LAMA2: variants seen among roughly 807,000 people sequenced by gnomAD.
The protein encoded by LAMA2 is laminin subunit alpha 2, also known as laminin subunit alpha-2.
In LAMA2, 269 loss-of-function variants were observed where a neutral mutation model predicts 364.8. That is an observed-to-expected ratio of 0.74 (90% confidence interval 0.67 to 0.82). LAMA2 has a LOEUF of 0.82. LAMA2 is among the 40% of genes least tolerant of loss of function. The pLI, the probability that LAMA2 is intolerant of heterozygous loss-of-function variation, is 0.00. For missense variants in LAMA2, 3,807 were observed against 3,873.2 expected, an observed-to-expected ratio of 0.98 and a Z score of 0.45; for synonymous variants, 1,379 against 1,370.6, an observed-to-expected ratio of 1.01 and a Z score of -0.14.
Position 129,342,297 on chromosome 6 carries a change from C to A in LAMA2, c.4312-46C>A. On this transcript the variant is annotated intron_variant, in intron 29 of 64. Coordinates refer to ENST00000421865, the MANE Select transcript of LAMA2 (RefSeq NM_000426.4). ...GACTGTATGATAAATTACATTCTAACTATCACTAAATTAAAAACAAACTTC... is the reference window on the plus strand; with the variant it reads ...GACTGTATGATAAATTACATTCTAAATATCACTAAATTAAAAACAAACTTC... 1.9e-6 allele frequency: 3 copies of A among 1,564,814 alleles called. No individual in the cohort carries two copies. The Admixed American group carries it at 5.0e-5, about 26-fold the overall frequency.
chr6:129,513,625 C>T (rs1562643126), intron 63 of LAMA2, among the ~76,000 whole-genome samples: 1 of 152,110 alleles, frequency 6.6e-6, no homozygotes, highest in Non-Finnish European at 1.5e-5. Flanking sequence ...AATGTCTTGC[C>T]AAACTGACTA....
At chr6:128,935,332 T>C (rs1242543066) in intron 1 of LAMA2, among the ~76,000 whole-genome samples, 1 of 151,980 alleles carries the variant, frequency 6.6e-6, no homozygotes, top group Non-Finnish European at 1.5e-5. Flanking sequence ...TTTCTGTCCT[T>C]GTGATATTTT....
At chr6:129,034,380 C>G (rs1193991798) in intron 1 of LAMA2, among the ~76,000 whole-genome samples, 2 of 152,088 alleles carry the variant, frequency 1.3e-5, no homozygotes, top group African/African-American at 4.8e-5. Context: ...GTCACTGTTA[C>G]AGAGGTGCAC....
At chr6:129,159,501 C>T (rs984924423) in intron 8 of LAMA2, among the ~76,000 whole-genome samples, 2 of 152,182 alleles carry the variant, frequency 1.3e-5, no homozygotes, top group African/African-American at 2.4e-5. Flanking sequence ...CTCATCGATT[C>T]GGGAGCACCC....
intron 9 of LAMA2, among the ~76,000 whole-genome samples, chr6:129,174,171 A>T (rs989073330): frequency 2.0e-5 from 3 of 152,130 alleles, no homozygotes; most frequent in South Asian, 4.1e-4. Flanking sequence ...TAGAACTCTC[A>T]TCTATCCCAA....
intron 29 of LAMA2, among the ~76,000 whole-genome samples, chr6:129,329,456 G>T (rs1775495633): frequency 6.6e-6 from 1 of 152,094 alleles, no homozygotes; most frequent in East Asian, 1.9e-4. Context: ...CCGACTCCCG[G>T]GTTCAAGTGA....
intron 12 of LAMA2, among the ~76,000 whole-genome samples, chr6:129,202,573 A>G (rs1325027952): frequency 1.3e-5 from 2 of 152,160 alleles, no homozygotes; most frequent in African/African-American, 2.4e-5. Flanking sequence ...CAGCACTGTG[A>G]GCAGTATATT....
intron 4 of LAMA2, among the ~76,000 whole-genome samples, chr6:129,119,200 G>A (rs1394763735): frequency 6.6e-6 from 1 of 152,122 alleles, no homozygotes; most frequent in Admixed American, 6.6e-5. Flanking sequence ...AACACAAGTG[G>A]AATTATCCTC....
rs1163860724 is a variant in LAMA2, at chr6:129,269,634, G to A, written c.2323-990G>A. ...TGATTCAATTTTTTAAAACCCTTAA[G>A]TATTTGAAGACATAATTTTAGTTGT... On this transcript the variant is annotated intron_variant, in intron 16 of 64. Coordinates refer to ENST00000421865, the MANE Select transcript of LAMA2 (RefSeq NM_000426.4). Among the ~76,000 whole-genome samples, 8 of 152,086 alleles carry A rather than the reference G, an allele frequency of 5.3e-5. No individual in the cohort carries two copies. The South Asian group carries it at 1.2e-3, about 24-fold the overall frequency.
chr6:129,457,978 G>A (rs1166437028), intron 48 of LAMA2, among the ~76,000 whole-genome samples: 1 of 152,100 alleles, frequency 6.6e-6, no homozygotes, highest in Non-Finnish European at 1.5e-5. Context: ...TGCCCTGCCT[G>A]CTAATACCAT....
chr6:129,012,640 A>C (rs892424297), intron 1 of LAMA2, among the ~76,000 whole-genome samples: 2 of 152,226 alleles, frequency 1.3e-5, no homozygotes, highest in Non-Finnish European at 2.9e-5. Flanking sequence ...AAGGACAAGA[A>C]TATTCTGTAT....
At chr6:129,037,666 A>AT (rs375410908) in intron 1 of LAMA2, among the ~76,000 whole-genome samples, 7,090 of 140,758 alleles carry the variant, frequency 0.05, 529 homozygotes, top group African/African-American at 0.16. Flanking sequence ...ATTTAATTTA[A>AT]TTTTTTTTTT....
Position 129,353,364 on chromosome 6 carries a change from A to C in LAMA2, c.4717+7A>C. ...GAGGGCTGGGAGTGTGTTTGTACGTATACTAACTTTGCTGTTAGTTTTGGA... is the reference window on the plus strand; with the variant it reads ...GAGGGCTGGGAGTGTGTTTGTACGTCTACTAACTTTGCTGTTAGTTTTGGA... On this transcript the variant is annotated splice_region_variant and intron_variant, in intron 32 of 64. Transcript: ENST00000421865. The C allele has an allele frequency of 6.2e-7, 1 of 1,611,666 alleles. No individual in the cohort carries two copies. The highest frequency in any genetic ancestry group is 8.5e-7 in the Non-Finnish European group (1 of 1,178,442).
intron 1 of LAMA2, among the ~76,000 whole-genome samples, chr6:129,014,792 A>G (rs770177664): frequency 2.0e-5 from 3 of 152,176 alleles, no homozygotes; most frequent in Non-Finnish European, 2.9e-5. Flanking sequence ...CATGGTGGAA[A>G]TAGTGAACCT....
intron 4 of LAMA2, among the ~76,000 whole-genome samples, chr6:129,100,498 G>A (rs1167181905): frequency 6.6e-6 from 1 of 152,138 alleles, no homozygotes; most frequent in Non-Finnish European, 1.5e-5. Flanking sequence ...TTACTTTGTG[G>A]AATATGTTAC....
intron 1 of LAMA2, among the ~76,000 whole-genome samples, chr6:128,921,028 T>C (rs1285632601): frequency 6.6e-6 from 1 of 152,328 alleles, no homozygotes; most frequent in African/African-American, 2.4e-5. Flanking sequence ...CTTGCACTTA[T>C]CTTAGCAGGG....
At chr6:129,097,398 C>T (rs1775251103) in intron 3 of LAMA2, among the ~76,000 whole-genome samples, 1 of 152,168 alleles carries the variant, frequency 6.6e-6, no homozygotes, top group South Asian at 2.1e-4. Flanking sequence ...TTTTTTACGT[C>T]TTCAAATTCT....
chr6:129,382,371 G>C (rs2114652385), intron 34 of LAMA2, among the ~76,000 whole-genome samples: 1 of 152,274 alleles, frequency 6.6e-6, no homozygotes, highest in East Asian at 1.9e-4. Flanking sequence ...TTTTAACCGT[G>C]AACACGTTGA....
intron 3 of LAMA2, among the ~76,000 whole-genome samples, chr6:129,076,505 A>AT (rs67113040): frequency 0.18 from 23,303 of 132,176 alleles, 2,239 homozygotes; most frequent in African/African-American, 0.27. Flanking sequence ...ATATAAATAT[A>AT]TATATATAAT....
Sources: gnomAD v4.1 joint callset for allele counts (sites outside exome capture counted in the v4.1 genomes callset) on GRCh38, gnomAD v4.1.1 for gene constraint, MANE v1.5 for transcripts, NCBI Gene and HGNC (gene_info 2026-07-23, HGNC 2026-07-21) for gene names.